The following BORCS5 variants were observed in gnomAD, a reference collection of about 807,000 sequenced individuals.
BORCS5 encodes the protein BLOC-1-related complex subunit 5.
In BORCS5, 17 loss-of-function variants were observed where a neutral mutation model predicts 22.1. That is an observed-to-expected ratio of 0.77 (90% CI 0.53 to 1.15). BORCS5 has a LOEUF of 1.15. Among genes scored for constraint, BORCS5 ranks in the 50% most tolerant of loss-of-function variants. The pLI is 0.00. For synonymous variants in BORCS5, 117 were observed against 99.8 expected, an observed-to-expected ratio of 1.17 and a Z score of -1.03; for missense variants, 247 against 253.2, an observed-to-expected ratio of 0.98 and a Z score of 0.17.
chr12:12,427,402 G>A (rs577693740), intron 2 of BORCS5, among the ~76,000 whole-genome samples: 9 of 152,044 alleles, frequency 5.9e-5, no homozygotes, highest in South Asian at 4.2e-4. Context: ...GGATGGTCTC[G>A]ATATCCTGAC....
intron 3 of BORCS5, among the ~76,000 whole-genome samples, chr12:12,446,370 G>A (rs1013992063): frequency 3.9e-5 from 6 of 152,182 alleles, no homozygotes; most frequent in African/African-American, 1.4e-4. Flanking sequence ...CTGCTGGTCA[G>A]TACAGAGCTA....
intron 3 of BORCS5, among the ~76,000 whole-genome samples, chr12:12,439,078 G>A (rs1031304487): frequency 3.3e-5 from 5 of 152,296 alleles, no homozygotes; most frequent in South Asian, 2.1e-4. Flanking sequence ...TGACTGAGTC[G>A]TTTTGAAAGA....
intron 3 of BORCS5, among the ~76,000 whole-genome samples, chr12:12,459,707 T>G (rs1592143712): frequency 6.6e-6 from 1 of 152,366 alleles, no homozygotes; most frequent in Admixed American, 6.5e-5. Flanking sequence ...TAATTTCTTG[T>G]GTATGCACTG....
chr12:12,464,152 C>T (rs1428344592), intron 3 of BORCS5, among the ~76,000 whole-genome samples: 1 of 152,154 alleles, frequency 6.6e-6, no homozygotes, highest in Admixed American at 6.5e-5. Context: ...GCAGAGAACC[C>T]CGGAAAGTGT....
In BORCS5 at chr12:12,360,645, T is replaced by C. The variant is rs189279826; in HGVS notation, c.59-561T>C. On this transcript the variant is annotated intron_variant, in intron 1 of 3. Transcript: ENST00000314565. ...AGGTTGGTCTTGAACTCCTGGACTC[T>C]GGTGATCCTCCCACTCAGCCTTTCA... Among the ~76,000 whole-genome samples the C allele has an allele frequency of 3.8e-3, 571 of 148,572 alleles. 8 individuals carry two copies. The highest frequency in any genetic ancestry group is 0.013 in the African/African-American group (519 of 40,368).
At chr12:12,465,011 G>A (rs1296713741) in intron 3 of BORCS5, among the ~76,000 whole-genome samples, 1 of 152,040 alleles carries the variant, frequency 6.6e-6, no homozygotes. Flanking sequence ...TCACTGTGTC[G>A]CCCAGGCTGG....
intron 2 of BORCS5, among the ~76,000 whole-genome samples, chr12:12,384,758 A>G (rs1320951882): frequency 1.3e-5 from 2 of 151,094 alleles, no homozygotes; most frequent in Admixed American, 6.6e-5. Context: ...TGGGTCAGGG[A>G]TTCTGGAAGG....
Position 12,418,200 on chromosome 12 carries a change from TG to T in BORCS5, c.203-17427del, listed in dbSNP as rs1441575509. ...CGCCATGCCTGGCTAATTTTTTTTT[TG>T]TTTTTTTTTTTGTTTTTTTAGTGGA... On this transcript the variant is annotated intron_variant, in intron 2 of 3. Transcript: ENST00000314565. Among the ~76,000 whole-genome samples the T allele has an allele frequency of 2.1e-3, 318 of 148,406 alleles. 3 individuals carry two copies. The highest frequency in any genetic ancestry group is 7.0e-3 in the African/African-American group (274 of 39,194).
intron 2 of BORCS5, among the ~76,000 whole-genome samples, chr12:12,414,690 A>ACCCC (rs1266094128): frequency 1.5e-4 from 11 of 73,048 alleles, no homozygotes; most frequent in Admixed American, 4.7e-4. Flanking sequence ...CGGGGGGCTG[A>ACCCC]CCCCCCCCAC....
chr12:12,451,496 G>T (rs1161865440), intron 3 of BORCS5, among the ~76,000 whole-genome samples: 2 of 150,452 alleles, frequency 1.3e-5, no homozygotes, highest in Non-Finnish European at 3.0e-5. Flanking sequence ...ATACATAGAG[G>T]CATGCCGTAG....
chr12:12,359,830 C>G (rs1266793374), intron 1 of BORCS5, among the ~76,000 whole-genome samples: 2 of 151,956 alleles, frequency 1.3e-5, no homozygotes, highest in Non-Finnish European at 2.9e-5. Context: ...CAGAGATGGG[C>G]CTTGTGTACC....
intron 2 of BORCS5, among the ~76,000 whole-genome samples, chr12:12,414,650 C>G (rs1475488121): frequency 3.8e-5 from 4 of 106,590 alleles, no homozygotes; most frequent in African/African-American, 1.8e-4. Context: ...AGAGGAGCCC[C>G]TCACCTCCCG....
intron 3 of BORCS5, among the ~76,000 whole-genome samples, chr12:12,448,775 C>G (rs1019752580): frequency 8.5e-5 from 13 of 152,114 alleles, no homozygotes. Flanking sequence ...GATCCTCCCG[C>G]CTCAGACTCC....
intron 2 of BORCS5, among the ~76,000 whole-genome samples, chr12:12,410,023 G>A (rs1439807832): frequency 6.6e-6 from 1 of 152,150 alleles, no homozygotes; most frequent in Non-Finnish European, 1.5e-5. Flanking sequence ...CTGCATAAAT[G>A]TCTTCTTTTG....
intron 2 of BORCS5, among the ~76,000 whole-genome samples, chr12:12,410,853 C>G (rs1046784155): frequency 6.6e-6 from 1 of 152,094 alleles, no homozygotes; most frequent in African/African-American, 2.4e-5. Flanking sequence ...TTCTTCCTAC[C>G]CATGAGCATG....
chr12:12,394,571 G>A (rs751817966), intron 2 of BORCS5, among the ~76,000 whole-genome samples: 3 of 151,776 alleles, frequency 2.0e-5, no homozygotes, highest in Non-Finnish European at 2.9e-5. Flanking sequence ...GACAGAGTAC[G>A]TTGCCTGGGC....
intron 2 of BORCS5, among the ~76,000 whole-genome samples, chr12:12,389,168 A>C (rs1231460803): frequency 1.1e-5 from 1 of 94,338 alleles, no homozygotes; most frequent in Non-Finnish European, 2.1e-5. Flanking sequence ...ACGCATTTTC[A>C]TTCTTGTCGC....
At chr12:12,431,403 C>CTTTTTTTT (rs386375632) in intron 2 of BORCS5, among the ~76,000 whole-genome samples, 17 of 121,098 alleles carry the variant, frequency 1.4e-4, no homozygotes, top group Admixed American at 1.9e-4. Context: ...TTTGCTAATT[C>CTTTTTTTT]TTTTTTTTTT....
intron 3 of BORCS5, among the ~76,000 whole-genome samples, chr12:12,456,352 A>G (rs370960018): frequency 1.2e-4 from 18 of 152,198 alleles, no homozygotes; most frequent in East Asian, 5.8e-4. Flanking sequence ...GATTGCTCGG[A>G]CCCAGGAGTT....
Sources: allele counts gnomAD v4.1 joint callset (sites outside exome capture counted in the v4.1 genomes callset), GRCh38; gene constraint gnomAD v4.1.1; transcripts MANE v1.5; gene names NCBI Gene and HGNC (gene_info 2026-07-23, HGNC 2026-07-21).